HNRNPA3: variants seen among roughly 807,000 people sequenced by gnomAD.
The protein encoded by HNRNPA3 is heterogeneous nuclear ribonucleoprotein A3, also known as epididymis secretory sperm binding protein.
In HNRNPA3, 3 loss-of-function variants were observed where a neutral mutation model predicts 45.8. The observed-to-expected ratio is 0.07, with a 90% CI of 0.03 to 0.17. HNRNPA3 has a LOEUF of 0.17. Among genes scored for constraint, HNRNPA3 ranks in the 10% least tolerant of loss-of-function variants. The probability of loss-of-function intolerance (pLI) is 1.00; values close to 1 mark genes in which losing one functional copy is unlikely to be tolerated. For missense variants in HNRNPA3, 183 were observed against 480.3 expected, an observed-to-expected ratio of 0.38 and a Z score of 5.79; for synonymous variants, 170 against 155.6, an observed-to-expected ratio of 1.09 and a Z score of -0.69.
At chr2:177,218,057 T>TTC (rs1689028814) in intron 8 of HNRNPA3, among the ~76,000 whole-genome samples, 1 of 14,254 alleles carries the variant, frequency 7.0e-5, no homozygotes, top group South Asian at 0.013. Context: ...TTTTTCTTTT[T>TTC]TTTTTTTTTT....
chr2:177,218,906 C>A, intron 8 of HNRNPA3, 131 bp from the exon 9 acceptor site: 1 of 1,082,638 alleles, frequency 9.2e-7, no homozygotes, highest in East Asian at 2.5e-5. Context: ...ATCAGTTACC[C>A]CAAGTGGTGC....
chr2:177,217,742 A>G, exon 8 of HNRNPA3: 1 of 1,613,076 alleles, frequency 6.2e-7, no homozygotes, highest in African/African-American at 1.3e-5. Context: ...ATAGTAGTAG[A>G]GGGGGCTATG....
chr2:177,216,482 T>C, intron 4 of HNRNPA3, 21 bp from the exon 5 acceptor site: 1 of 1,581,282 alleles, frequency 6.3e-7, no homozygotes, highest in East Asian at 2.2e-5. Context: ...TTTTGTTTTG[T>C]TTGATTGAAA....
chr2:177,213,101 GGAGGCCTCGGGAGGGAAGCCGGCCTGCC>G (rs1254162578), intron 1 of HNRNPA3, among the ~76,000 whole-genome samples: 3 of 152,186 alleles, frequency 2.0e-5, no homozygotes, highest in African/African-American at 4.8e-5. Context: ...GCTTGGTCGG[GGAGGCCTCGGGAGGGAAGCCGGCCTGCC>G]GGCTGCGCGG....
chr2:177,215,435 G>A (rs1688891503), intron 1 of HNRNPA3, 104 bp from the exon 2 acceptor site: 1 of 1,186,412 alleles, frequency 8.4e-7, no homozygotes, highest in South Asian at 1.4e-5. Context: ...AACTGTCACA[G>A]GAATTTGATG....
At chr2:177,214,253 C>A (rs1237361124) in intron 1 of HNRNPA3, among the ~76,000 whole-genome samples, 1 of 152,184 alleles carries the variant, frequency 6.6e-6, no homozygotes, top group Non-Finnish European at 1.5e-5. Context: ...CATACCATTC[C>A]TAATGTAAGT....
downstream of HNRNPA3, chr2:177,223,793 AT>A (rs1689289547): frequency 6.6e-6 from 1 of 152,222 alleles, no homozygotes; most frequent in Non-Finnish European, 1.5e-5. Context: ...CAGATGTTTC[AT>A]TTGTAGTATA....
At chr2:177,220,113 A>C (rs1274287659), downstream of HNRNPA3, 1 of 152,640 alleles carries the variant, frequency 6.6e-6, no homozygotes, top group African/African-American at 2.4e-5. Context: ...CTTCAAATGA[A>C]AAAAAATCTC....
intron 4 of HNRNPA3, 40 bp from the exon 5 acceptor site, chr2:177,216,463 A>T (rs780319577): frequency 6.8e-7 from 1 of 1,472,876 alleles, no homozygotes; most frequent in South Asian, 1.1e-5. Flanking sequence ...TTCCAAACAT[A>T]AAATAACTTT....
At chr2:177,223,344 A>T (rs1689270441), downstream of HNRNPA3, 1 of 152,022 alleles carries the variant, frequency 6.6e-6, no homozygotes, top group African/African-American at 2.4e-5. Context: ...TTATTTAAAC[A>T]GTTCCATTGT....
Position 177,215,544 on chromosome 2 carries a change from T to C in HNRNPA3, c.78T>C (p.His26=), listed in dbSNP as rs566968775. The C allele has an allele frequency of 1.7e-5, 28 of 1,613,944 alleles. No homozygotes were observed. The Admixed American group carries it at 4.5e-4, about 26-fold the overall frequency. ...GTATTGGTTCTTTCTCTCAGGGCCA[T>C]GATCCAAAGGAACCAGAGCAGTTGA... Residue 26 remains histidine, a synonymous_variant, in exon 2 of 11, where the codon CAT becomes CAC. Transcript: ENST00000392524.
At chr2:177,213,166 T>A (rs960044006) in intron 1 of HNRNPA3, among the ~76,000 whole-genome samples, 1 of 125,712 alleles carries the variant, frequency 8.0e-6, no homozygotes, top group African/African-American at 3.1e-5. Context: ...GAGGGCGGCA[T>A]GGCGGGCCCC....
rs1689095472 is a variant in HNRNPA3, at chr2:177,219,400, T to C, written c.*16-8T>C. The C allele has an allele frequency of 1.0e-6, 1 of 1,000,344 alleles. No homozygotes were observed. The highest frequency in any genetic ancestry group is 1.6e-5 in the African/African-American group (1 of 61,228). 62.0% of individuals were successfully genotyped at this position (1,000,344 alleles called of 1,614,324 possible). Reference sequence around the variant, plus strand: ...GTAATAATTTTTTTATCCTGTATTATTCAACAGGCTACAGTTCTTAGCAGG... The same window carrying C: ...GTAATAATTTTTTTATCCTGTATTACTCAACAGGCTACAGTTCTTAGCAGG... On this transcript the variant is annotated splice_region_variant and splice_polypyrimidine_tract_variant and intron_variant, in intron 10 of 10. Transcript: ENST00000392524.
intron 9 of HNRNPA3, 23 bp downstream of exon 9, chr2:177,219,182 T>G: frequency 6.2e-7 from 1 of 1,610,732 alleles, no homozygotes; most frequent in Non-Finnish European, 8.5e-7. Flanking sequence ...TTAAATCAAT[T>G]CTTTAGAGCC....
At chr2:177,214,216 G>C (rs950966586) in intron 1 of HNRNPA3, among the ~76,000 whole-genome samples, 39 of 152,314 alleles carry the variant, frequency 2.6e-4, no homozygotes, top group African/African-American at 8.7e-4. Flanking sequence ...TTGTTTTGCT[G>C]TACTCCGTTC....
chr2:177,219,188 G>C (rs752709970), intron 9 of HNRNPA3, 29 bp downstream of exon 9: 7 of 1,610,712 alleles, frequency 4.3e-6, no homozygotes, highest in South Asian at 1.1e-5. Flanking sequence ...CAATTCTTTA[G>C]AGCCTTTTTA....
intron 8 of HNRNPA3, 32 bp downstream of exon 8, chr2:177,217,877 AAT>A: frequency 6.6e-7 from 1 of 1,524,768 alleles, no homozygotes; most frequent in Non-Finnish European, 8.8e-7. Context: ...TTAAATGTTA[AAT>A]ATTCAGTGTT....
intron 2 of HNRNPA3, 28 bp from the exon 3 acceptor site, chr2:177,215,722 C>T (rs749506879): frequency 6.4e-7 from 1 of 1,573,658 alleles, no homozygotes; most frequent in East Asian, 2.3e-5. Flanking sequence ...GAGGTGTTTT[C>T]AACGTTATAA....
chr2:177,216,726 G>A (rs1688955838), exon 6 of HNRNPA3: 1 of 1,614,090 alleles, frequency 6.2e-7, no homozygotes, highest in Admixed American at 1.7e-5. Flanking sequence ...GAACTTTGGA[G>A]GTGGTGGAGG....
Sources: gnomAD v4.1 joint callset for allele counts (sites outside exome capture counted in the v4.1 genomes callset) on GRCh38, gnomAD v4.1.1 for gene constraint, MANE v1.5 for transcripts, NCBI Gene and HGNC (gene_info 2026-07-23, HGNC 2026-07-21) for gene names.